Variants in RAB11FIP3 observed in about 807,000 individuals in gnomAD.
The protein encoded by RAB11FIP3 is rab11 family-interacting protein 3.
Under a neutral mutation model 77.8 loss-of-function variants are expected in RAB11FIP3, and 17 were observed. The ratio of observed to expected loss-of-function variants is 0.22; its 90% CI spans 0.15 to 0.33. The LOEUF is 0.33. Ranked by LOEUF, RAB11FIP3 falls within the 10% of genes least tolerant of loss-of-function variation. The probability of loss-of-function intolerance (pLI) is 1.00; values close to 1 mark genes in which losing one functional copy is unlikely to be tolerated. For missense variants in RAB11FIP3, 1,005 were observed against 1,011.2 expected (o/e 0.99, Z 0.08); for synonymous variants, 437 against 448.2 (o/e 0.98, Z 0.31).
chr16:467,986 G>A (rs377394679), intron 2 of RAB11FIP3, among the ~76,000 whole-genome samples: 11 of 108,232 alleles, frequency 1.0e-4, no homozygotes, highest in East Asian at 3.4e-4. Flanking sequence ...AGGTGCTGGG[G>A]CCTCAGGGAG....
chr16:497,066 A>T (rs1456855329), intron 6 of RAB11FIP3: 2 of 600,956 alleles, frequency 3.3e-6, no homozygotes, highest in Non-Finnish European at 5.3e-6. Context: ...ATTTGTGACC[A>T]GGGAGGGTAC....
At chr16:518,853 C>T (rs1157282586) in intron 9 of RAB11FIP3, 90 bp from the exon 10 acceptor site, 1 of 1,393,258 alleles carries the variant, frequency 7.2e-7, no homozygotes, top group Non-Finnish European at 1.0e-6. Flanking sequence ...ACAGGGCGGC[C>T]CCAGCAGGGT....
At chr16:444,973 GC>G (rs1011255463) in intron 1 of RAB11FIP3, among the ~76,000 whole-genome samples, 1 of 151,760 alleles carries the variant, frequency 6.6e-6, no homozygotes, top group Non-Finnish European at 1.5e-5. Flanking sequence ...AATTAGCCAG[GC>G]ATCATGGTGG....
chr16:461,581 C>T lies in RAB11FIP3; in HGVS notation c.808+84C>T, dbSNP rs1342233708. The T allele has an allele frequency of 4.5e-6, 5 of 1,119,588 alleles. No homozygotes were observed. The highest frequency in any genetic ancestry group is 2.4e-5 in the East Asian group (1 of 41,440). The allele number at this position is 1,119,588 out of a possible 1,614,324, so 69.4% of individuals were successfully genotyped here. ...GCCACCTGCACATCACCAGGCTCCT[C>T]GTGCTGACTCTAACATCTTTCCTTC... On this transcript the variant is annotated intron_variant, in intron 2 of 13. Transcript: ENST00000262305. The surrounding 1 kb of genome is among the most constrained non-coding windows in gnomAD (Gnocchi z 4.5).
chr16:516,007 A>G (rs995518422), intron 9 of RAB11FIP3, among the ~76,000 whole-genome samples: 3 of 152,016 alleles, frequency 2.0e-5, no homozygotes, highest in Admixed American at 2.0e-4. Flanking sequence ...CAGGGGTCTG[A>G]CCAGCCCCAG....
At chr16:448,808 G>C (rs1452005057) in intron 1 of RAB11FIP3, among the ~76,000 whole-genome samples, 2 of 151,688 alleles carry the variant, frequency 1.3e-5, no homozygotes, top group Admixed American at 6.6e-5. Flanking sequence ...CCAGCTACTC[G>C]GGAGGCTGAA....
intron 2 of RAB11FIP3, among the ~76,000 whole-genome samples, chr16:463,224 C>T (rs1166039561): frequency 6.6e-6 from 1 of 151,998 alleles, no homozygotes; most frequent in Non-Finnish European, 1.5e-5. Flanking sequence ...TCCTTTCCCT[C>T]CTTCATGCAC....
chr16:461,628 C>T lies in RAB11FIP3; in HGVS notation c.808+131C>T, dbSNP rs1475086862. On this transcript the variant is annotated intron_variant, in intron 2 of 13. Transcript: ENST00000262305. This position sits in a 1 kb window ranked among gnomAD's most constrained non-coding sequence, Gnocchi z 4.5. ...CTTCTCCTTGAAGCCCCCAACATAC[C>T]CCAGGTTTCCAGGTGGTCTCTTTCC... is the stretch of plus-strand genomic sequence containing the variant. 1.8e-5 allele frequency: 12 copies of T among 674,738 alleles called. No individual in the cohort carries two copies. Among genetic ancestry groups the T allele is most frequent in the Non-Finnish European group, 2.7e-5 (11 of 403,208 alleles). The allele number at this position is 674,738 out of a possible 1,614,324, so 41.8% of individuals were successfully genotyped here.
intron 6 of RAB11FIP3, chr16:497,579 C>T: frequency 2.5e-6 from 2 of 790,394 alleles, no homozygotes; most frequent in Non-Finnish European, 3.3e-6. Flanking sequence ...TCCTCTCTGC[C>T]CTGTTGTGCC....
chr16:520,478 A>T lies in RAB11FIP3; in HGVS notation c.2036A>T (p.Glu679Val). The change falls in exon 13 of 14, where the codon GAG becomes GTG. Residue 679 changes from glutamate (E) to valine (V), a missense_variant. This residue lies in a region of RAB11FIP3 where 90 missense variants were observed against 129.7 expected (regional missense o/e 0.69). Transcript: ENST00000262305. ...RLKQDNRNLK[E>V]QNEELNGQII... ...CTTCAGGACAACCGCAACCTGAAGG[A>T]GCAGAACGAGGAGCTGAACGGGCAG... The T allele has an allele frequency of 6.2e-7, 1 of 1,613,490 alleles. No individual in the cohort carries two copies. The highest frequency in any genetic ancestry group is 8.5e-7 in the Non-Finnish European group (1 of 1,179,988).
intron 13 of RAB11FIP3, 31 bp from the exon 14 acceptor site, chr16:520,695 C>T (rs954629042): frequency 4.3e-6 from 7 of 1,612,988 alleles, no homozygotes; most frequent in Non-Finnish European, 5.9e-6. Context: ...GGCCCATGCG[C>T]CTCAGCTCTG....
chr16:493,405 G>C (rs2030781656), intron 5 of RAB11FIP3, among the ~76,000 whole-genome samples: 1 of 152,150 alleles, frequency 6.6e-6, no homozygotes, highest in Non-Finnish European at 1.5e-5. Context: ...GGACTTGCCT[G>C]AAAGTAAGCT....
intron 5 of RAB11FIP3, among the ~76,000 whole-genome samples, chr16:492,400 GA>G (rs1274357201): frequency 2.8e-5 from 4 of 143,606 alleles, no homozygotes; most frequent in East Asian, 2.0e-4. Flanking sequence ...CCCTCCCCGG[GA>G]GACCCGAGGC....
chr16:468,269 A>AGTCAGGGAGGAGGTGCAGGGGC (rs2055751120), intron 2 of RAB11FIP3, among the ~76,000 whole-genome samples: 1 of 6,326 alleles, frequency 1.6e-4, no homozygotes, highest in Non-Finnish European at 3.5e-4. Flanking sequence ...GGTGCAGGGA[A>AGTCAGGGAGGAGGTGCAGGGGC]GTCAGGGAGG....
At chr16:499,691 A>T (rs2031381913) in intron 6 of RAB11FIP3, among the ~76,000 whole-genome samples, 1 of 151,170 alleles carries the variant, frequency 6.6e-6, no homozygotes, top group African/African-American at 2.4e-5. Context: ...CCAGCTACTC[A>T]GGAGCCTGAG....
At chr16:442,310 T>G (rs945511440) in intron 1 of RAB11FIP3, among the ~76,000 whole-genome samples, 40 of 152,350 alleles carry the variant, frequency 2.6e-4, no homozygotes, top group African/African-American at 9.6e-4. Flanking sequence ...CAGCTTATGA[T>G]GCTGGTTTTT....
At chr16:475,717 C>T (rs1170341815) in intron 3 of RAB11FIP3, among the ~76,000 whole-genome samples, 2 of 152,132 alleles carry the variant, frequency 1.3e-5, no homozygotes, top group Non-Finnish European at 1.5e-5. Context: ...TGGAAGTGGA[C>T]GTCCACAACC....
intron 1 of RAB11FIP3, among the ~76,000 whole-genome samples, chr16:430,743 C>T (rs2141838467): frequency 6.6e-6 from 1 of 152,288 alleles, no homozygotes; most frequent in East Asian, 1.9e-4. Flanking sequence ...TGGCTGGGTG[C>T]AGTGGCTCAC....
chr16:483,559 C>G (rs1440147829), intron 4 of RAB11FIP3, among the ~76,000 whole-genome samples: 2 of 152,178 alleles, frequency 1.3e-5, no homozygotes, highest in Non-Finnish European at 2.9e-5. Context: ...TGAAAGAAAT[C>G]CGAGTATTTT....
Sources: gnomAD v4.1 joint callset for allele counts (sites outside exome capture counted in the v4.1 genomes callset) on GRCh38, gnomAD v4.1.1 for gene constraint, gnomAD v4.1.1 regional missense constraint, Gnocchi (gnomAD v3.1) non-coding constraint, MANE v1.5 for transcripts, NCBI Gene and HGNC (gene_info 2026-07-23, HGNC 2026-07-21) for gene names.